The following FAM186B variants were observed in gnomAD, a reference collection of about 807,000 sequenced individuals.
FAM186B encodes the protein family with sequence similarity 186 member B, also known as protein FAM186B.
In FAM186B, 68 loss-of-function variants were observed where a neutral mutation model predicts 83.4. The ratio of observed to expected loss-of-function variants is 0.81; its 90% CI spans 0.67 to 1.00. The LOEUF is 1.00. FAM186B is among the 50% of genes least tolerant of loss of function. FAM186B has a pLI of 0.00. For missense variants in FAM186B, 983 were observed against 1,099.2 expected (o/e 0.89, Z 1.49); for synonymous variants, 389 against 422.0 (o/e 0.92, Z 0.96).
rs376765327 is a variant in FAM186B at position 49,598,694 on chromosome 12, C to A, written c.2364+61G>T. On this transcript the variant is annotated intron_variant, in intron 5 of 6. Transcript: ENST00000257894. Reference sequence around the variant, plus strand: ...CCACGGGTTCATTTCAGGCCCCAAGCCGACTGGCTGTGCTGACCCCAGGAG... The same window carrying A: ...CCACGGGTTCATTTCAGGCCCCAAGACGACTGGCTGTGCTGACCCCAGGAG... The A allele has an allele frequency of 7.6e-5, 113 of 1,488,082 alleles. No individual in the cohort carries two copies. The South Asian group carries it at 1.2e-3, about 15-fold the overall frequency. The allele number at this position is 1,488,082 out of a possible 1,614,324, so 92.2% of individuals were successfully genotyped here.
downstream of FAM186B, chr12:49,584,224 CAG>C (rs1209898942): frequency 2.4e-6 from 1 of 417,928 alleles, no homozygotes; most frequent in Non-Finnish European, 4.4e-6. Context: ...AGACAACACT[CAG>C]AGGGTTCTAA....
downstream of FAM186B, chr12:49,587,498 G>A (rs1460005066): frequency 1.6e-5 from 24 of 1,474,548 alleles, no homozygotes; most frequent in East Asian, 5.2e-4. Flanking sequence ...AGCAAATGAG[G>A]TCATTGTTAA....
At chr12:49,585,114 G>A (rs1035086920), downstream of FAM186B, among the ~76,000 whole-genome samples, 4 of 152,076 alleles carry the variant, frequency 2.6e-5, no homozygotes, top group East Asian at 1.9e-4. Flanking sequence ...TGCCTCCTGC[G>A]TTCACACCAC....
At chr12:49,584,976 A>G (rs947326889), downstream of FAM186B, among the ~76,000 whole-genome samples, 4 of 150,708 alleles carry the variant, frequency 2.7e-5, no homozygotes, top group Non-Finnish European at 5.9e-5. Flanking sequence ...GAGTCTGTTC[A>G]TGTGCATCTC....
upstream of FAM186B, among the ~76,000 whole-genome samples, chr12:49,609,616 T>G (rs557022031): frequency 6.6e-6 from 1 of 152,188 alleles, no homozygotes; most frequent in Non-Finnish European, 1.5e-5. Flanking sequence ...AGCAGTGCCC[T>G]CTGCATTCCA....
At chr12:49,604,175 A>C (rs1449639031) in intron 2 of FAM186B, 138 bp downstream of exon 2, 11 of 662,188 alleles carry the variant, frequency 1.7e-5, no homozygotes, top group Non-Finnish European at 2.9e-5. Context: ...TCTGCCCCTC[A>C]GGAGCATGGA....
At chr12:49,587,457 C>G (rs1040969127), downstream of FAM186B, 12 of 1,122,242 alleles carry the variant, frequency 1.1e-5, no homozygotes, top group Admixed American at 2.6e-4. Context: ...GCAAAGGAAC[C>G]AGGTTAGCCT....
At position 49,588,559 on chromosome 12, in the gene FAM186B, C is replaced by A; in HGVS notation, c.2429G>T (p.Cys810Phe). 6.2e-7 allele frequency: 1 copy of A among 1,612,212 alleles called. No individual in the cohort carries two copies. Among genetic ancestry groups the A allele is most frequent in the Non-Finnish European group, 8.5e-7 (1 of 1,178,970 alleles). Reference protein sequence around the residue: ...PEVTSPKPKKCKLPAASPRHI... With the variant: ...PEVTSPKPKKFKLPAASPRHI... ...CCGGGGTGAGGCTGCAGGCAACTTG[C>A]ATTTCTTTGGCTTTGGCGAGGTGAC... Residue 810 changes from cysteine (C) to phenylalanine (F), a missense_variant, in exon 6 of 7, where the codon TGC (cysteine) becomes TTC (phenylalanine). Physicochemically the swap from Cys to Phe is radical, Grantham distance 205. Transcript: ENST00000257894.
At position 49,600,486 on chromosome 12, in the gene FAM186B, A is replaced by G. The variant is rs534383064; in HGVS notation, c.1154T>C (p.Ile385Thr). The change falls in exon 4 of 7, where the codon ATA becomes ACA. Residue 385 changes from isoleucine to threonine, a missense_variant. Physicochemically the swap from Ile to Thr is moderately conservative, Grantham distance 89 (BLOSUM62 -1). Transcript: ENST00000257894. The surrounding 1 kb of genome is among the most constrained non-coding windows in gnomAD (Gnocchi z 4.3). Reference sequence around the variant, plus strand: ...GGAAAGTGGCTGGTGCCCTGCAGCTATAGCACCACTGTCCCGTATCATGGC... The same window carrying G: ...GGAAAGTGGCTGGTGCCCTGCAGCTGTAGCACCACTGTCCCGTATCATGGC... ...PMAMIRDSGAIAAGHQPLSTM... is the reference protein window; with the variant it reads ...PMAMIRDSGATAAGHQPLSTM... 3 of 1,613,850 alleles carry G rather than the reference A, an allele frequency of 1.9e-6. No homozygotes were observed. The highest frequency in any genetic ancestry group is 4.5e-5 in the East Asian group (2 of 44,882).
the FAM186B span, among the ~76,000 whole-genome samples, chr12:49,613,930 C>T: frequency 6.6e-6 from 1 of 151,678 alleles, no homozygotes; most frequent in Non-Finnish European, 1.5e-5. Flanking sequence ...GGGTGGATCA[C>T]CTGAGGTCAG....
At chr12:49,604,091 T>A in intron 2 of FAM186B, 1 of 550,472 alleles carries the variant, frequency 1.8e-6, no homozygotes, top group Non-Finnish European at 3.2e-6. Flanking sequence ...TGAGATGTCA[T>A]AATGGACCCG....
In FAM186B at chr12:49,599,560, C is replaced by T; in HGVS notation, c.2080G>A (p.Glu694Lys). Reference protein sequence around the residue: ...LPHYLRSKALELTTTTMELGA... With the variant: ...LPHYLRSKALKLTTTTMELGA... Reference sequence around the variant, plus strand: ...AGCTCCATGGTGGTGGTGGTGAGCTCCAGTGCTTTGCTGCGCAGGTAGTGG... The same window carrying T: ...AGCTCCATGGTGGTGGTGGTGAGCTTCAGTGCTTTGCTGCGCAGGTAGTGG... The change falls in exon 4 of 7, where the codon GAG (glutamate) becomes AAG (lysine). Residue 694 changes from glutamate to lysine, a missense_variant. Coordinates refer to ENST00000257894, the MANE Select transcript of FAM186B (RefSeq NM_032130.3). 2 of 1,611,830 alleles carry T rather than the reference C, an allele frequency of 1.2e-6. No individual in the cohort carries two copies. Among genetic ancestry groups the T allele is most frequent in the Non-Finnish European group, 1.7e-6 (2 of 1,178,952 alleles).
chr12:49,605,721 A>C, upstream of FAM186B: 2 of 362,344 alleles, frequency 5.5e-6, no homozygotes, highest in Non-Finnish European at 9.8e-6. Flanking sequence ...CTTTTTGTCC[A>C]TTACCTAACA....
the FAM186B span, among the ~76,000 whole-genome samples, chr12:49,618,205 C>G: frequency 2.2e-4 from 33 of 151,974 alleles, no homozygotes; most frequent in Admixed American, 3.3e-4. Context: ...ATTAGCCGGG[C>G]GTGTTGGCAC....
chr12:49,622,447 C>T, the FAM186B span, among the ~76,000 whole-genome samples: 1 of 152,214 alleles, frequency 6.6e-6, no homozygotes, highest in Non-Finnish European at 1.5e-5. Context: ...GCTGAGGCTG[C>T]AGTGAACCCT....
the FAM186B span, among the ~76,000 whole-genome samples, chr12:49,613,062 G>C: frequency 6.6e-6 from 1 of 152,106 alleles, no homozygotes; most frequent in African/African-American, 2.4e-5. Context: ...CATAAAAATA[G>C]AAATCAAAAC....
At chr12:49,587,288 A>AC (rs1565803467), downstream of FAM186B, among the ~76,000 whole-genome samples, 2 of 151,976 alleles carry the variant, frequency 1.3e-5, no homozygotes, top group African/African-American at 4.8e-5. Context: ...CCTGAGAACC[A>AC]CCCCCAAGGC....
At chr12:49,616,069 G>A in the FAM186B span, among the ~76,000 whole-genome samples, 35 of 150,768 alleles carry the variant, frequency 2.3e-4, no homozygotes, top group East Asian at 4.9e-3. Context: ...TTGCTCTGTC[G>A]CCCAACCTGG....
chr12:49,595,599 A>T (rs1939697911), intron 5 of FAM186B: 4 of 421,812 alleles, frequency 9.5e-6, no homozygotes, highest in Non-Finnish European at 1.9e-5. Flanking sequence ...AGGGCCTAGG[A>T]CCAGCTTTGA....
Sources: gnomAD v4.1 joint callset for allele counts (sites outside exome capture counted in the v4.1 genomes callset) on GRCh38, gnomAD v4.1.1 for gene constraint, Gnocchi (gnomAD v3.1) non-coding constraint, MANE v1.5 for transcripts, NCBI Gene and HGNC (gene_info 2026-07-23, HGNC 2026-07-21) for gene names.